The following LEMD1 variants were observed in gnomAD, a reference collection of about 807,000 sequenced individuals.
The protein encoded by LEMD1 is LEM domain-containing protein 1.
LEMD1 carries 18 observed loss-of-function variants against 17.4 expected under a neutral mutation model. That is an observed-to-expected ratio of 1.04 (90% CI 0.72 to 1.54). The LOEUF (loss-of-function observed/expected upper bound fraction) is 1.54. LEMD1 is among the 40% of genes most tolerant of loss of function. The pLI, the probability that LEMD1 is intolerant of heterozygous loss-of-function variation, is 0.00. For missense variants in LEMD1, 195 were observed against 210.4 expected (o/e 0.93, Z 0.45); for synonymous variants, 88 against 77.8 (o/e 1.13, Z -0.69).
intron 4 of LEMD1, among the ~76,000 whole-genome samples, chr1:205,393,544 C>A (rs1348793101): frequency 6.6e-6 from 1 of 151,918 alleles, no homozygotes; most frequent in Non-Finnish European, 1.5e-5. Context: ...GGCATGGTGG[C>A]AGGCACCTGT....
At chr1:205,394,794 C>A (rs1396213426) in intron 4 of LEMD1, among the ~76,000 whole-genome samples, 1 of 151,976 alleles carries the variant, frequency 6.6e-6, no homozygotes, top group African/African-American at 2.4e-5. Flanking sequence ...TGAGACCAAC[C>A]TGACCAACGT....
At chr1:205,410,111 GGGTTCTTGTCATGTT>G (rs1665318705) in intron 4 of LEMD1, among the ~76,000 whole-genome samples, 1 of 151,034 alleles carries the variant, frequency 6.6e-6, no homozygotes, top group Non-Finnish European at 1.5e-5. Context: ...TTGTAGAGAT[GGGTTCTTGTCATGTT>G]GCCCAAACTG....
At chr1:205,433,770 G>T (rs1426912554) in intron 1 of LEMD1, among the ~76,000 whole-genome samples, 3 of 152,196 alleles carry the variant, frequency 2.0e-5, no homozygotes, top group Admixed American at 6.5e-5. Context: ...TAGGCATCAT[G>T]GTGGCTGAGC....
chr1:205,426,789 A>G (rs1290615405), upstream of LEMD1, among the ~76,000 whole-genome samples: 2 of 152,090 alleles, frequency 1.3e-5, no homozygotes, highest in East Asian at 1.9e-4. Flanking sequence ...GGCCCTCTGA[A>G]GCTGATGATG....
At chr1:205,390,141 G>T (rs1156774906) in intron 4 of LEMD1, among the ~76,000 whole-genome samples, 1 of 152,108 alleles carries the variant, frequency 6.6e-6, no homozygotes, top group Non-Finnish European at 1.5e-5. Context: ...GATCACTTGA[G>T]GCCAGGAGTT....
Position 205,384,379 on chromosome 1 carries a change from G to C in LEMD1, c.271-15C>G. On this transcript the variant is annotated splice_polypyrimidine_tract_variant and intron_variant, in intron 4 of 5. Transcript: ENST00000367153. ...GCCTCAGGCCACTGATAAACAGAAAGAAAATGTCAAGAGGAATTTGTTTCC... is the reference window on the plus strand; with the variant it reads ...GCCTCAGGCCACTGATAAACAGAAACAAAATGTCAAGAGGAATTTGTTTCC... The C allele has an allele frequency of 6.8e-7, 1 of 1,466,610 alleles. No individual in the cohort carries two copies. The highest frequency in any genetic ancestry group is 9.1e-7 in the Non-Finnish European group (1 of 1,102,382). 90.8% of individuals were successfully genotyped at this position (1,466,610 alleles called of 1,614,324 possible). A position where few individuals can be genotyped will look rare whatever the true frequency, so the allele number is the denominator to read the frequency against.
At chr1:205,391,790 A>T (rs1019435128) in intron 4 of LEMD1, among the ~76,000 whole-genome samples, 2 of 152,126 alleles carry the variant, frequency 1.3e-5, no homozygotes, top group Non-Finnish European at 2.9e-5. Flanking sequence ...GAGTCAGAAA[A>T]GGTCTGCTAA....
rs1174997234 is a variant in LEMD1 at position 205,420,550 on chromosome 1, T to G, written c.-14A>C. On this transcript the variant is annotated 5_prime_UTR_variant, in exon 2 of 6. Transcript: ENST00000367153. ...CACATCCACCATGATGATAGAAGTT[T>G]GGCCTCTTTTCTGATGGTAGAATCC... 6.2e-7 allele frequency: 1 copy of G among 1,608,012 alleles called. No homozygotes were observed. Among genetic ancestry groups the G allele is most frequent in the East Asian group, 2.2e-5 (1 of 44,852 alleles).
chr1:205,439,445 C>A (rs559154470), intron 1 of LEMD1, among the ~76,000 whole-genome samples: 5 of 152,362 alleles, frequency 3.3e-5, no homozygotes, highest in African/African-American at 1.2e-4. Flanking sequence ...CCAGGAAAGG[C>A]CCCTGAGTGT....
At position 205,429,765 on chromosome 1, in the gene LEMD1, C is replaced by T. The variant is rs568885681; in HGVS notation, c.-38-9191G>A. Reference sequence around the variant, plus strand: ...CCTTACCCGAGAAGGGCATTTTTCTCGGCTATTTTGATGTTGGGGGGTGGG... The same window carrying T: ...CCTTACCCGAGAAGGGCATTTTTCTTGGCTATTTTGATGTTGGGGGGTGGG... On this transcript the variant is annotated intron_variant, in intron 1 of 3. Transcript: ENST00000367154. 1.3e-4 allele frequency among the ~76,000 whole-genome samples: 20 copies of T among 151,434 alleles called. No homozygotes were observed. In the East Asian group the frequency reaches 2.9e-3, roughly 22 times the overall value.
intron 4 of LEMD1, among the ~76,000 whole-genome samples, chr1:205,404,436 G>T (rs1489273510): frequency 2.0e-5 from 3 of 152,138 alleles, no homozygotes; most frequent in Non-Finnish European, 2.9e-5. Flanking sequence ...TTGTTGAATT[G>T]ATCCCTTTAC....
chr1:205,434,946 G>A (rs1666180990), intron 1 of LEMD1: 1 of 152,196 alleles, frequency 6.6e-6, no homozygotes, highest in Admixed American at 6.5e-5. Flanking sequence ...ATGCTTTTCA[G>A]TGGCAACCAG....
intron 4 of LEMD1, among the ~76,000 whole-genome samples, chr1:205,412,882 C>T (rs1665516493): frequency 6.6e-6 from 1 of 152,194 alleles, no homozygotes; most frequent in Non-Finnish European, 1.5e-5. Flanking sequence ...ATTTGCCATA[C>T]TCAGGTTGCT....
chr1:205,445,773 G>A (rs747188814), intron 1 of LEMD1, among the ~76,000 whole-genome samples: 2 of 152,212 alleles, frequency 1.3e-5, no homozygotes, highest in Non-Finnish European at 2.9e-5. Flanking sequence ...GGCAGCAGCA[G>A]CTGGGAACCT....
intron 4 of LEMD1, among the ~76,000 whole-genome samples, chr1:205,413,811 C>T (rs983127810): frequency 1.3e-5 from 2 of 151,760 alleles, no homozygotes; most frequent in African/African-American, 4.8e-5. Context: ...TGCCACCATG[C>T]CCAGATAATT....
At position 205,448,699 on chromosome 1, in the gene LEMD1, C is replaced by T. The variant is rs926261944; in HGVS notation, c.-39+1169G>A. Among the ~76,000 whole-genome samples the T allele has an allele frequency of 6.6e-6, 1 of 152,136 alleles. No homozygotes were observed. Among genetic ancestry groups the T allele is most frequent in the South Asian group, 2.1e-4 (1 of 4,832 alleles). On this transcript the variant is annotated intron_variant, in intron 1 of 3. Coordinates refer to the LEMD1 transcript ENST00000367154. This position sits in a 1 kb window ranked among gnomAD's most constrained non-coding sequence, Gnocchi z 4.7. ...TCAAATTCCCTTAATTAGCTTCCAG[C>T]CCCCTGCCCAGGGTCCTTAACTACC...
chr1:205,403,612 C>T (rs145361606), intron 4 of LEMD1, among the ~76,000 whole-genome samples: 2,904 of 152,032 alleles, frequency 0.019, 81 homozygotes, highest in African/African-American at 0.065. Flanking sequence ...ATTAGTCTTG[C>T]TAGCGGTCTA....
chr1:205,434,340 T>TAA (rs35753110), intron 1 of LEMD1, among the ~76,000 whole-genome samples: 4,419 of 131,836 alleles, frequency 0.034, 176 homozygotes, highest in African/African-American at 0.099. Flanking sequence ...CCTGGCTAAG[T>TAA]AAAAAAAAAT....
intron 1 of LEMD1, among the ~76,000 whole-genome samples, chr1:205,443,510 G>T (rs1313326947): frequency 1.3e-5 from 2 of 152,184 alleles, no homozygotes; most frequent in African/African-American, 2.4e-5. Flanking sequence ...GAGAGCTAAT[G>T]AAGCTGGCCA....
Sources: gnomAD v4.1 joint callset for allele counts (sites outside exome capture counted in the v4.1 genomes callset) on GRCh38, gnomAD v4.1.1 for gene constraint, Gnocchi (gnomAD v3.1) non-coding constraint, MANE v1.5 for transcripts, NCBI Gene and HGNC (gene_info 2026-07-23, HGNC 2026-07-21) for gene names.